MYRFL: variants seen among roughly 807,000 people sequenced by gnomAD.
MYRFL encodes the protein myelin regulatory factor like.
Under a neutral mutation model 109.4 loss-of-function variants are expected in MYRFL, and 88 were observed. That is an observed-to-expected ratio of 0.80 (90% CI 0.68 to 0.96). The LOEUF is 0.96. MYRFL is among the 40% of genes least tolerant of loss of function. MYRFL has a pLI of 0.00. For synonymous variants in MYRFL, 324 were observed against 320.9 expected (o/e 1.01, Z -0.10); for missense variants, 957 against 954.9 (o/e 1.00, Z -0.03).
At chr12:69,953,520 C>A (rs751831689) in intron 21 of MYRFL, among the ~76,000 whole-genome samples, 4 of 152,062 alleles carry the variant, frequency 2.6e-5, no homozygotes, top group Non-Finnish European at 4.4e-5. Flanking sequence ...AGTTTCAGCA[C>A]TTTGGGAGGC....
intron 2 of MYRFL, among the ~76,000 whole-genome samples, chr12:69,860,575 G>T (rs1884587527): frequency 2.6e-5 from 4 of 151,790 alleles, no homozygotes; most frequent in Admixed American, 6.6e-5. Context: ...TGATATGTTT[G>T]GATTTGAGTC....
chr12:69,937,031 A>G (rs1165470735), intron 19 of MYRFL, among the ~76,000 whole-genome samples: 3 of 152,142 alleles, frequency 2.0e-5, no homozygotes, highest in Non-Finnish European at 4.4e-5. Flanking sequence ...GACTTTGGAA[A>G]CTCTAATTTA....
chr12:69,880,951 GTTTT>G (rs71094746), intron 5 of MYRFL, among the ~76,000 whole-genome samples: 3,990 of 112,646 alleles, frequency 0.035, 102 homozygotes, highest in Middle Eastern at 0.12. Context: ...CAGCCTTCCT[GTTTT>G]TTTTTTTTTT....
rs868487822 is a variant in MYRFL, at chr12:69,879,185, C to G, written c.206-10C>G. On this transcript the variant is annotated splice_polypyrimidine_tract_variant and intron_variant, in intron 3 of 24. Coordinates refer to ENST00000552032, the MANE Select transcript of MYRFL (RefSeq NM_182530.3). ...AGAAAGGGGCACTTCCTGCTTGTGTCTCTCCCCAGGTGCATGCTACCCAAC... is the reference window on the plus strand; with the variant it reads ...AGAAAGGGGCACTTCCTGCTTGTGTGTCTCCCCAGGTGCATGCTACCCAAC... The G allele has an allele frequency of 2.8e-5, 20 of 702,630 alleles. No homozygotes were observed. Among genetic ancestry groups the G allele is most frequent in the Non-Finnish European group, 5.2e-5 (20 of 384,774 alleles). The allele number at this position is 702,630 out of a possible 1,614,324, so 43.5% of individuals were successfully genotyped here. A position where few individuals can be genotyped will look rare whatever the true frequency, so the allele number is the denominator to read the frequency against.
chr12:69,943,014 T>TCG lies in MYRFL; in HGVS notation c.2224+6382_2224+6383insCG, dbSNP rs1955712268. On this transcript the variant is annotated intron_variant, in intron 19 of 24. Coordinates refer to ENST00000552032, the MANE Select transcript of MYRFL (RefSeq NM_182530.3). Reference sequence around the variant, plus strand: ...CTCTTCAAGAAGAACTACAAACCGCTGCTCAAGGAAATAAAAGAGTATACA... The same window carrying TCG: ...CTCTTCAAGAAGAACTACAAACCGCTCGGCTCAAGGAAATAAAAGAGTATACA... 4.0e-5 allele frequency among the ~76,000 whole-genome samples: 6 copies of TCG among 150,980 alleles called. No homozygotes were observed. In the South Asian group the frequency reaches 1.2e-3, roughly 31 times the overall value.
At chr12:69,840,014 TA>T (rs1398464833) in intron 1 of MYRFL, among the ~76,000 whole-genome samples, 9 of 152,328 alleles carry the variant, frequency 5.9e-5, no homozygotes, top group Non-Finnish European at 7.4e-5. Flanking sequence ...ATGACAAAAC[TA>T]AAAGACCCAT....
chr12:69,937,713 A>G lies in MYRFL; in HGVS notation c.2224+1081A>G, dbSNP rs74722782. Among the ~76,000 whole-genome samples the G allele has an allele frequency of 1.0e-4, 16 of 152,390 alleles. No individual in the cohort carries two copies. The East Asian group carries it at 3.1e-3, about 29-fold the overall frequency. On this transcript the variant is annotated intron_variant, in intron 19 of 24. Transcript: ENST00000552032. ...AACAGATCTAACATGTATGGAGAAG[A>G]TGAACCAGAATACTTATAAGTGGTG...
intron 19 of MYRFL, among the ~76,000 whole-genome samples, chr12:69,945,773 G>T (rs189365330): frequency 0.032 from 4,890 of 151,512 alleles, 251 homozygotes; most frequent in African/African-American, 0.11. Flanking sequence ...GGATCACGAG[G>T]TCAGGAGATC....
At chr12:69,939,157 C>A (rs1345735438) in intron 19 of MYRFL, among the ~76,000 whole-genome samples, 3 of 152,230 alleles carry the variant, frequency 2.0e-5, no homozygotes, top group Non-Finnish European at 4.4e-5. Flanking sequence ...GTAAACAAAG[C>A]AACCAGGAAG....
chr12:69,922,424 T>C (rs1389033600), intron 13 of MYRFL, among the ~76,000 whole-genome samples: 1 of 152,196 alleles, frequency 6.6e-6, no homozygotes, highest in Non-Finnish European at 1.5e-5. Context: ...TTTTTGTTTT[T>C]GTTTTGTGAT....
At position 69,910,852 on chromosome 12, in the gene MYRFL, G is replaced by T; in HGVS notation, c.1524G>T (p.Leu508=). 6.5e-7 allele frequency: 1 copy of T among 1,535,290 alleles called. No homozygotes were observed. ...GMIAQEVQEI[L]PRAVREVGDV... Reference sequence around the variant, plus strand: ...TTGCCCAGGAGGTGCAAGAAATCCTGCCCAGAGCAGTAAGAGAGGTTGGTG... The same window carrying T: ...TTGCCCAGGAGGTGCAAGAAATCCTTCCCAGAGCAGTAAGAGAGGTTGGTG... The change falls in exon 13 of 25, where the codon CTG becomes CTT. Residue 508 remains leucine, a synonymous_variant. Transcript: ENST00000552032.
chr12:69,852,579 A>ATTTTTTTTTTTTTTTTTTTTTTTATTTT (rs61145700), intron 1 of MYRFL, among the ~76,000 whole-genome samples: 2 of 112,210 alleles, frequency 1.8e-5, no homozygotes, highest in African/African-American at 6.7e-5. Context: ...TTAATTTTTA[A>ATTTTTTTTTTTTTTTTTTTTTTTATTTT]TTTTTTTTTT....
intron 2 of MYRFL, among the ~76,000 whole-genome samples, chr12:69,858,618 A>T (rs1385162378): frequency 6.6e-6 from 1 of 151,930 alleles, no homozygotes; most frequent in African/African-American, 2.4e-5. Flanking sequence ...TAAGTTGTTA[A>T]ATTTATGGCC....
Position 69,926,816 on chromosome 12 carries a change from C to G in MYRFL, c.1766+82C>G, listed in dbSNP as rs1330190014. 5 of 1,201,318 alleles carry G rather than the reference C, an allele frequency of 4.2e-6. No homozygotes were observed. In the African/African-American group the frequency reaches 7.8e-5, roughly 19 times the overall value. 74.4% of individuals were successfully genotyped at this position (1,201,318 alleles called of 1,614,324 possible). On this transcript the variant is annotated intron_variant, in intron 14 of 24. Coordinates refer to ENST00000552032, the MANE Select transcript of MYRFL (RefSeq NM_182530.3). The stretch of plus-strand genomic sequence containing the variant: ...CCAGAATAAGATCAATCTAAATGGT[C>G]TTTTTGATCAAACAGCAACCGCTAC...
At chr12:69,889,347 AAT>A (rs1303383400) in intron 6 of MYRFL, among the ~76,000 whole-genome samples, 4 of 152,118 alleles carry the variant, frequency 2.6e-5, no homozygotes, top group Non-Finnish European at 4.4e-5. Context: ...TTATGCATTT[AAT>A]ATGTTTTCTT....
At chr12:69,884,552 T>C (rs1169407900) in intron 5 of MYRFL, among the ~76,000 whole-genome samples, 1 of 152,180 alleles carries the variant, frequency 6.6e-6, no homozygotes, top group Non-Finnish European at 1.5e-5. Flanking sequence ...GGCTTTTGGC[T>C]GCATGCCTGA....
In MYRFL at chr12:69,936,479, C is replaced by G. The variant is rs1430855401; in HGVS notation, c.2071C>G (p.Pro691Ala). Residue 691 changes from proline to alanine, a missense_variant, in exon 19 of 25, where the codon CCG becomes GCG. By Grantham distance (27) the Pro-to-Ala change is conservative (BLOSUM62 -1). Transcript: ENST00000552032. ...ACCTAATACATCCCTGGTAACCACA[C>G]CGGCCTCCTTACAAGTACCTGAAAT... ...SAPNTSLVTTPASLQVPEITF... is the reference protein window; with the variant it reads ...SAPNTSLVTTAASLQVPEITF... The G allele has an allele frequency of 6.5e-7, 1 of 1,535,866 alleles. No homozygotes were observed. Among genetic ancestry groups the G allele is most frequent in the East Asian group, 2.4e-5 (1 of 40,910 alleles).
chr12:69,885,210 A>G (rs566657723), intron 5 of MYRFL, among the ~76,000 whole-genome samples: 3 of 152,330 alleles, frequency 2.0e-5, no homozygotes, highest in Admixed American at 6.5e-5. Flanking sequence ...GCTGGGAAAA[A>G]AAGTTTTTCA....
intron 1 of MYRFL, among the ~76,000 whole-genome samples, chr12:69,832,788 G>C (rs540279378): frequency 2.0e-4 from 31 of 152,172 alleles, no homozygotes; most frequent in Admixed American, 3.3e-4. Context: ...TCTCAGTGTG[G>C]AGAGTTTTAA....
Sources: gnomAD v4.1 joint callset for allele counts (sites outside exome capture counted in the v4.1 genomes callset) on GRCh38, gnomAD v4.1.1 for gene constraint, MANE v1.5 for transcripts, NCBI Gene and HGNC (gene_info 2026-07-23, HGNC 2026-07-21) for gene names.